The following ANKRD11 variants were observed in gnomAD, a reference collection of about 807,000 sequenced individuals.
ANKRD11 encodes the protein ankyrin repeat domain-containing protein 11.
A neutral mutation model predicts 195.7 loss-of-function variants in ANKRD11; 17 were observed. The ratio of observed to expected loss-of-function variants is 0.09; its 90% CI spans 0.06 to 0.13. ANKRD11 has a LOEUF of 0.13. ANKRD11 is among the 10% of genes least tolerant of loss of function. The pLI, the probability that ANKRD11 is intolerant of heterozygous loss-of-function variation, is 1.00. For synonymous variants in ANKRD11, 1,953 were observed against 1,528.1 expected (o/e 1.28, Z -6.49); for missense variants, 3,735 against 3,566.1 (o/e 1.05, Z -1.21).
At position 89,268,659 on chromosome 16, in the gene ANKRD11, C is replaced by CAAGT. The variant is rs2032842857; in HGVS notation, c.7807_7810dup (p.Cys2604TyrfsTer147). 1 of 1,582,948 alleles carries CAAGT rather than the reference C, an allele frequency of 6.3e-7. No individual in the cohort carries two copies. On this transcript the variant is annotated frameshift_variant, in exon 13 of 13. Transcript: ENST00000301030. LOFTEE classifies it low-confidence loss of function (END_TRUNC). ...CTCGTGCTGCTGCCGCATGAGGAGG[C>CAAGT]AAGTCTGCGGGACACACAGCGGGGA... is the stretch of plus-strand genomic sequence containing the variant.
At chr16:89,441,777 A>AC (rs2043507543) in intron 1 of ANKRD11, among the ~76,000 whole-genome samples, 1 of 104,458 alleles carries the variant, frequency 9.6e-6, no homozygotes, top group African/African-American at 2.8e-5. Flanking sequence ...CAAAAAAAAA[A>AC]AAAAAAAAAA....
chr16:89,407,073 G>A (rs1470142506), intron 2 of ANKRD11, among the ~76,000 whole-genome samples: 1 of 151,522 alleles, frequency 6.6e-6, no homozygotes, highest in East Asian at 1.9e-4. Context: ...GTAACCCCAG[G>A]TACTCGGGAG....
intron 2 of ANKRD11, among the ~76,000 whole-genome samples, chr16:89,370,941 A>AC (rs2152079302): frequency 1.3e-5 from 2 of 152,234 alleles, no homozygotes; most frequent in Admixed American, 1.3e-4. Flanking sequence ...GACGCCCAAG[A>AC]ACCAAGCCCT....
chr16:89,358,389 C>G lies in ANKRD11; in HGVS notation c.-59-41311G>C, dbSNP rs114389330. ...TTGCAAACATGCACAGCTTAGCGAC[C>G]ACGTTTCAAAGAGCCACGTGGATAA... On this transcript the variant is annotated intron_variant, in intron 2 of 12. Coordinates refer to ENST00000301030, the MANE Select transcript of ANKRD11 (RefSeq NM_013275.6). Among the ~76,000 whole-genome samples, 1,138 of 152,346 alleles carry G rather than the reference C, an allele frequency of 7.5e-3. 13 individuals carry two copies. The highest frequency in any genetic ancestry group is 0.026 in the African/African-American group (1,063 of 41,560).
At chr16:89,468,096 G>A (rs1018466305) in intron 1 of ANKRD11, among the ~76,000 whole-genome samples, 1 of 152,078 alleles carries the variant, frequency 6.6e-6, no homozygotes, top group Non-Finnish European at 1.5e-5. Context: ...GAGCCACCAC[G>A]CCCAGACTGC....
chr16:89,321,895 G>A (rs1008650093), intron 2 of ANKRD11, among the ~76,000 whole-genome samples: 2 of 152,092 alleles, frequency 1.3e-5, no homozygotes, highest in Non-Finnish European at 2.9e-5. Flanking sequence ...CCTCCTCAAC[G>A]TGAAAACCCG....
intron 2 of ANKRD11, among the ~76,000 whole-genome samples, chr16:89,415,294 T>C (rs570066056): frequency 7.0e-4 from 79 of 112,804 alleles, no homozygotes; most frequent in Non-Finnish European, 1.1e-3. Flanking sequence ...AGATGGAGTC[T>C]CCCTCTGTCG....
chr16:89,381,960 A>G (rs2040677234), intron 2 of ANKRD11, among the ~76,000 whole-genome samples: 1 of 152,150 alleles, frequency 6.6e-6, no homozygotes, highest in African/African-American at 2.4e-5. Context: ...ATCTAGTTCT[A>G]TCTTCAATGT....
intron 1 of ANKRD11, 102 bp downstream of exon 1, chr16:89,490,143 G>T (rs2057778487): frequency 8.8e-6 from 1 of 113,838 alleles, no homozygotes; most frequent in African/African-American, 3.3e-5. Context: ...CCGGAGGCCC[G>T]CGGCGCAGCT....
chr16:89,388,064 T>C (rs1430209352), intron 2 of ANKRD11, among the ~76,000 whole-genome samples: 1 of 152,000 alleles, frequency 6.6e-6, no homozygotes, highest in Non-Finnish European at 1.5e-5. Context: ...TTTTTAAACT[T>C]CAGACTTACA....
At chr16:89,324,395 C>A in intron 2 of ANKRD11, 2 of 569,010 alleles carry the variant, frequency 3.5e-6, no homozygotes, top group Non-Finnish European at 6.1e-6. Context: ...AAGTTCTCAG[C>A]TTCGTTAGTC....
chr16:89,477,477 T>C (rs2057298761), intron 1 of ANKRD11, among the ~76,000 whole-genome samples: 1 of 151,908 alleles, frequency 6.6e-6, no homozygotes. Flanking sequence ...TGCCTCACCC[T>C]CCCGAGTAGC....
At chr16:89,295,902 G>A (rs1446048830) in intron 4 of ANKRD11, among the ~76,000 whole-genome samples, 1 of 105,684 alleles carries the variant, frequency 9.5e-6, no homozygotes, top group Non-Finnish European at 1.9e-5. Context: ...ACCTTCCTGG[G>A]GGTGCTCTGT....
Position 89,284,988 on chromosome 16 carries a change from G to A in ANKRD11, c.1554C>T (p.Leu518=). ...VLKDPSLFSS[L]SASSTSSHGS... ...CGTGAGACGAGGTGGAGGAGGCAGA[G>A]AGGGAGCTGAACAGGGAGGGGTCCT... The change falls in exon 9 of 13, where the codon CTC becomes CTT. Residue 518 remains leucine, a synonymous_variant. Coordinates refer to ENST00000301030, the MANE Select transcript of ANKRD11 (RefSeq NM_013275.6). 3 of 1,614,126 alleles carry A rather than the reference G, an allele frequency of 1.9e-6. No individual in the cohort carries two copies. Among genetic ancestry groups the A allele is most frequent in the Non-Finnish European group, 2.5e-6 (3 of 1,180,006 alleles).
chr16:89,458,399 T>C (rs936496614), intron 1 of ANKRD11, among the ~76,000 whole-genome samples: 2 of 152,090 alleles, frequency 1.3e-5, no homozygotes, highest in African/African-American at 4.8e-5. Flanking sequence ...TAATTTTTTG[T>C]ATTTTTAGTA....
Position 89,284,730 on chromosome 16 carries a change from C to G in ANKRD11, c.1812G>C (p.Leu604=). 1.2e-6 allele frequency: 2 copies of G among 1,613,766 alleles called. No homozygotes were observed. Among genetic ancestry groups the G allele is most frequent in the Non-Finnish European group, 1.7e-6 (2 of 1,179,978 alleles). Residue 604 remains leucine (L), a synonymous_variant, in exon 9 of 13, where the codon CTG becomes CTC. Coordinates refer to ENST00000301030, the MANE Select transcript of ANKRD11 (RefSeq NM_013275.6). ...KRQEHRKRAS[L]SEKKSPFLSS... ...ACAGGAAGGGGCTCTTCTTCTCCGACAGGGAGGCTCGCTTCCTGTGCTCCT... is the reference window on the plus strand; with the variant it reads ...ACAGGAAGGGGCTCTTCTTCTCCGAGAGGGAGGCTCGCTTCCTGTGCTCCT...
intron 1 of ANKRD11, among the ~76,000 whole-genome samples, chr16:89,452,675 G>A (rs756885923): frequency 6.6e-6 from 1 of 150,436 alleles, no homozygotes; most frequent in African/African-American, 2.4e-5. Context: ...TCAGGAGGCT[G>A]AGGCAGGAGG....
intron 1 of ANKRD11, among the ~76,000 whole-genome samples, chr16:89,431,823 T>C (rs1333478679): frequency 6.6e-6 from 1 of 151,980 alleles, no homozygotes; most frequent in African/African-American, 2.4e-5. Flanking sequence ...CTTACTCGGC[T>C]CTCCTCACAC....
intron 2 of ANKRD11, among the ~76,000 whole-genome samples, chr16:89,361,121 C>T (rs2039711840): frequency 6.6e-6 from 1 of 152,202 alleles, no homozygotes; most frequent in Non-Finnish European, 1.5e-5. Context: ...AACCCAATTA[C>T]AGACACCCTG....
Sources: allele counts gnomAD v4.1 joint callset (sites outside exome capture counted in the v4.1 genomes callset), GRCh38; gene constraint gnomAD v4.1.1; transcripts MANE v1.5; gene names NCBI Gene and HGNC (gene_info 2026-07-23, HGNC 2026-07-21).